Variants in ACTN4 observed in about 807,000 individuals in gnomAD.
ACTN4 encodes alpha-actinin-4.
A neutral mutation model predicts 114.2 loss-of-function variants in ACTN4; 18 were observed. The observed-to-expected ratio is 0.16, with a 90% CI of 0.11 to 0.23. ACTN4 has a LOEUF of 0.23. Among genes scored for constraint, ACTN4 ranks in the 10% least tolerant of loss-of-function variants. The pLI is 1.00. For synonymous variants in ACTN4, 515 were observed against 506.3 expected, an observed-to-expected ratio of 1.02 and a Z score of -0.23; for missense variants, 722 against 1,262.9, an observed-to-expected ratio of 0.57 and a Z score of 6.49.
intron 1 of ACTN4, among the ~76,000 whole-genome samples, chr19:38,651,464 C>T (rs1368725065): frequency 6.6e-6 from 1 of 152,194 alleles, no homozygotes; most frequent in Non-Finnish European, 1.5e-5. Context: ...TAAAAGTGGC[C>T]TGGGTAACCT....
At chr19:38,708,315 A>G (rs1968528132) in intron 6 of ACTN4, 120 bp downstream of exon 6, 4 of 1,127,784 alleles carry the variant, frequency 3.5e-6, no homozygotes, top group Non-Finnish European at 5.3e-6. Context: ...CTGCACGCAG[A>G]TGGGCAGCCT....
intron 1 of ACTN4, among the ~76,000 whole-genome samples, chr19:38,692,542 T>A (rs1967963559): frequency 6.6e-6 from 1 of 152,236 alleles, no homozygotes; most frequent in Admixed American, 6.5e-5. Flanking sequence ...TCTCTGCCTG[T>A]GCCGCTGGTA....
At chr19:38,674,924 G>A (rs1967327135) in intron 1 of ACTN4, among the ~76,000 whole-genome samples, 3 of 152,192 alleles carry the variant, frequency 2.0e-5, no homozygotes, top group South Asian at 2.1e-4. Flanking sequence ...AGAGTTGTAC[G>A]AGTCCTTGGG....
Position 38,729,757 on chromosome 19 carries a change from C to A in ACTN4, c.*325C>A. 1.9e-6 allele frequency: 1 copy of A among 537,310 alleles called. No homozygotes were observed. Among genetic ancestry groups the A allele is most frequent in the Non-Finnish European group, 3.5e-6 (1 of 282,454 alleles). 33.3% of individuals were successfully genotyped at this position (537,310 alleles called of 1,614,324 possible). ...GTCCCTTCCATGCCCTGGGATGCCT[C>A]ACCACACCCAGGTCTCTTCCTTTGC... On this transcript the variant is annotated 3_prime_UTR_variant, in exon 21 of 21. Coordinates refer to ENST00000252699, the MANE Select transcript of ACTN4 (RefSeq NM_004924.6).
At chr19:38,708,344 C>T in intron 6 of ACTN4, 149 bp downstream of exon 6, 1 of 840,372 alleles carries the variant, frequency 1.2e-6, no homozygotes, top group South Asian at 1.4e-5. Flanking sequence ...CTTGTGCAGG[C>T]TCTCCGCAAC....
intron 11 of ACTN4, chr19:38,718,282 T>C (rs1401199983): frequency 2.2e-6 from 2 of 889,162 alleles, no homozygotes; most frequent in Non-Finnish European, 3.6e-6. Flanking sequence ...ATCCCAGCAC[T>C]TTGGCAGGCC....
intron 1 of ACTN4, among the ~76,000 whole-genome samples, chr19:38,686,815 T>C (rs985690813): frequency 1.3e-5 from 2 of 152,140 alleles, no homozygotes; most frequent in Non-Finnish European, 2.9e-5. Context: ...TGGTTTCCCA[T>C]GTGTGGGATG....
intron 1 of ACTN4, 61 bp from the exon 2 acceptor site, chr19:38,700,539 G>T: frequency 7.0e-7 from 1 of 1,430,312 alleles, no homozygotes; most frequent in Non-Finnish European, 9.9e-7. Flanking sequence ...CTGCAGGTGT[G>T]TGGAGAGAGC....
chr19:38,704,526 C>T (rs546601162), intron 3 of ACTN4, among the ~76,000 whole-genome samples: 3 of 152,362 alleles, frequency 2.0e-5, no homozygotes, highest in Admixed American at 6.5e-5. Flanking sequence ...AGTGGGGGCC[C>T]GGGGTGCCCC....
intron 4 of ACTN4, among the ~76,000 whole-genome samples, chr19:38,705,546 G>A (rs1249867744): frequency 6.6e-6 from 1 of 152,242 alleles, no homozygotes; most frequent in African/African-American, 2.4e-5. Flanking sequence ...TGATGACTGG[G>A]AGAGATGTGC....
At chr19:38,649,761 C>T (rs1179315236) in intron 1 of ACTN4, among the ~76,000 whole-genome samples, 3 of 152,088 alleles carry the variant, frequency 2.0e-5, no homozygotes, top group African/African-American at 7.2e-5. Flanking sequence ...CACAGGCAGC[C>T]TAGCCCAGGC....
chr19:38,669,888 G>A (rs948222334), intron 1 of ACTN4, among the ~76,000 whole-genome samples: 15 of 152,216 alleles, frequency 9.9e-5, no homozygotes, highest in African/African-American at 3.4e-4. Flanking sequence ...AGCAAGCGTT[G>A]GGGGAAGGAG....
intron 1 of ACTN4, among the ~76,000 whole-genome samples, chr19:38,659,980 C>T (rs1976832356): frequency 6.9e-6 from 1 of 145,310 alleles, no homozygotes; most frequent in African/African-American, 2.5e-5. Context: ...AGTGCAGTGG[C>T]AGGATCTCAG....
At chr19:38,681,436 T>G (rs1418854725) in intron 1 of ACTN4, among the ~76,000 whole-genome samples, 1 of 152,164 alleles carries the variant, frequency 6.6e-6, no homozygotes, top group African/African-American at 2.4e-5. Flanking sequence ...GAGCAGGTTC[T>G]GAGCTCTTCA....
chr19:38,725,489 C>T (rs1236551790), intron 16 of ACTN4, among the ~76,000 whole-genome samples: 2 of 152,220 alleles, frequency 1.3e-5, no homozygotes, highest in South Asian at 2.1e-4. Context: ...GCACAGGGAG[C>T]GCTTGGCAGA....
At position 38,670,039 on chromosome 19, in the gene ACTN4, G is replaced by A. The variant is rs115546213; in HGVS notation, c.162+22132G>A. Among the ~76,000 whole-genome samples, 916 of 152,280 alleles carry A rather than the reference G, an allele frequency of 6.0e-3. 11 individuals are homozygous for A. The highest frequency in any genetic ancestry group is 0.02 in the African/African-American group (816 of 41,540). ...AAAGTGTTGGCAGCTGAAGGGGGTC[G>A]TTCCTCAGGGGTCCCCAGAGCCAGT... On this transcript the variant is annotated intron_variant, in intron 1 of 20. Coordinates refer to ENST00000252699, the MANE Select transcript of ACTN4 (RefSeq NM_004924.6).
At chr19:38,720,454 T>A (rs1969002105) in intron 11 of ACTN4, among the ~76,000 whole-genome samples, 1 of 152,182 alleles carries the variant, frequency 6.6e-6, no homozygotes, top group African/African-American at 2.4e-5. Flanking sequence ...AAGGCCGCCT[T>A]GTGGCTGAGC....
In ACTN4 at chr19:38,729,282, C is replaced by A. The variant is rs1441783969; in HGVS notation, c.2586C>A (p.Ile862=). The A allele has an allele frequency of 6.2e-7, 1 of 1,612,864 alleles. No individual in the cohort carries two copies. ...CATCCTGCCTGCCCCAGAACTTCAT[C>A]ACAGCTGAGGAGCTGCGGAGAGAGC... ...FKVLAGDKNF[I]TAEELRRELP... Residue 862 remains isoleucine, a synonymous_variant, in exon 21 of 21, where the codon ATC becomes ATA. Transcript: ENST00000252699.
At chr19:38,673,508 A>ATATAC (rs1555826143) in intron 1 of ACTN4, among the ~76,000 whole-genome samples, 1 of 65,154 alleles carries the variant, frequency 1.5e-5, no homozygotes, top group African/African-American at 5.7e-5. Flanking sequence ...TATATATATG[A>ATATAC]ATATATATTT....
Sources: allele counts gnomAD v4.1 joint callset (sites outside exome capture counted in the v4.1 genomes callset), GRCh38; gene constraint gnomAD v4.1.1; transcripts MANE v1.5; gene names NCBI Gene and HGNC (gene_info 2026-07-23, HGNC 2026-07-21).